Variants in OSTN observed in about 807,000 individuals in gnomAD.
OSTN encodes osteocrin.
Under a neutral mutation model 12.0 loss-of-function variants are expected in OSTN, and 9 were observed. The ratio of observed to expected loss-of-function variants is 0.75; its 90% CI spans 0.45 to 1.30. OSTN has a LOEUF of 1.30. Among genes scored for constraint, OSTN ranks in the 50% most tolerant of loss-of-function variants. OSTN has a pLI of 0.00. For missense variants in OSTN, 148 were observed against 152.3 expected (o/e 0.97, Z 0.15); for synonymous variants, 59 against 56.9 (o/e 1.04, Z -0.16).
intron 1 of OSTN, among the ~76,000 whole-genome samples, chr3:191,203,528 TA>T (rs1406686696): frequency 1.3e-5 from 2 of 152,152 alleles, no homozygotes; most frequent in Non-Finnish European, 2.9e-5. Context: ...GCAAAGTATC[TA>T]AAAAAGAGTG....
At chr3:191,247,403 G>A (rs2108550570) in intron 3 of OSTN, among the ~76,000 whole-genome samples, 1 of 152,264 alleles carries the variant, frequency 6.6e-6, no homozygotes, top group African/African-American at 2.4e-5. Flanking sequence ...GAAGAAGGGA[G>A]GCAAGGGTGT....
intron 3 of OSTN, among the ~76,000 whole-genome samples, chr3:191,239,753 T>G (rs1715278911): frequency 6.6e-6 from 1 of 152,232 alleles, no homozygotes; most frequent in Non-Finnish European, 1.5e-5. Flanking sequence ...TTCTGTCCTC[T>G]ATGTGAAGGA....
chr3:191,236,170 G>A (rs1715182751), intron 3 of OSTN, among the ~76,000 whole-genome samples: 1 of 152,148 alleles, frequency 6.6e-6, no homozygotes. Flanking sequence ...ACTTTGGAAT[G>A]CAAAACGAAA....
chr3:191,214,326 T>C (rs572460989), intron 2 of OSTN, among the ~76,000 whole-genome samples: 142 of 150,746 alleles, frequency 9.4e-4, no homozygotes, highest in African/African-American at 3.3e-3. Context: ...TGGGCGCCTG[T>C]AGTCCCTGCT....
At chr3:191,213,949 A>T (rs184847215) in intron 2 of OSTN, among the ~76,000 whole-genome samples, 1 of 152,206 alleles carries the variant, frequency 6.6e-6, no homozygotes, top group African/African-American at 2.4e-5. Context: ...TCCAGTTTCT[A>T]TGTTATCAGG....
At chr3:191,248,348 C>T (rs2108551162) in intron 3 of OSTN, among the ~76,000 whole-genome samples, 1 of 152,224 alleles carries the variant, frequency 6.6e-6, no homozygotes, top group East Asian at 1.9e-4. Flanking sequence ...AACCTTTCTA[C>T]ATATCAGGTA....
At chr3:191,261,907 A>G (rs1264122203) in intron 4 of OSTN, among the ~76,000 whole-genome samples, 2 of 152,198 alleles carry the variant, frequency 1.3e-5, no homozygotes. Context: ...CAGAATGTCA[A>G]CCTGATAAAA....
intron 3 of OSTN, among the ~76,000 whole-genome samples, chr3:191,237,603 A>G (rs1177265463): frequency 6.6e-6 from 1 of 152,196 alleles, no homozygotes; most frequent in Non-Finnish European, 1.5e-5. Flanking sequence ...CTTTCAGTGG[A>G]ATGCCCCTAG....
At chr3:191,215,963 G>A (rs766799934) in intron 2 of OSTN, among the ~76,000 whole-genome samples, 25 of 152,132 alleles carry the variant, frequency 1.6e-4, no homozygotes, top group Admixed American at 1.2e-3. Flanking sequence ...TCAGGGCTCC[G>A]ACCCCACATT....
At chr3:191,257,760 T>A (rs1715704109) in intron 4 of OSTN, among the ~76,000 whole-genome samples, 1 of 151,812 alleles carries the variant, frequency 6.6e-6, no homozygotes, top group Non-Finnish European at 1.5e-5. Context: ...CCAATAATTT[T>A]AAAACTATCT....
At chr3:191,202,038 C>T (rs1714162693) in intron 1 of OSTN, among the ~76,000 whole-genome samples, 1 of 152,126 alleles carries the variant, frequency 6.6e-6, no homozygotes, top group Non-Finnish European at 1.5e-5. Flanking sequence ...AGATCCAGGT[C>T]TATGTAACTT....
chr3:191,254,482 A>G (rs1048496146), intron 4 of OSTN, among the ~76,000 whole-genome samples: 2 of 152,250 alleles, frequency 1.3e-5, no homozygotes, highest in African/African-American at 4.8e-5. Flanking sequence ...ATTTCTAGAG[A>G]TTTCAGGTTA....
rs934674965 is a variant in OSTN, at chr3:191,262,807, T to G, written c.*13-59T>G. ...CTCTTCTCAAGTGAAGTTGATGGAC[T>G]TCCACCTGATCTACAGAGTTCTCAT... On this transcript the variant is annotated intron_variant, in intron 4 of 4. Coordinates refer to ENST00000682035, the MANE Select transcript of OSTN (RefSeq NM_198184.2). 1.1e-5 allele frequency: 8 copies of G among 697,034 alleles called. 1 individual carries two copies. The African/African-American group carries it at 1.2e-4, about 11-fold the overall frequency. The allele number at this position is 697,034 out of a possible 1,614,324, so 43.2% of individuals were successfully genotyped here. A position where few individuals can be genotyped will look rare whatever the true frequency, so the allele number is the denominator to read the frequency against.
chr3:191,217,464 G>A (rs949475368), intron 2 of OSTN, among the ~76,000 whole-genome samples: 1 of 152,218 alleles, frequency 6.6e-6, no homozygotes, highest in Non-Finnish European at 1.5e-5. Flanking sequence ...AAAGTGGGAA[G>A]GGAAGAGATT....
rs936124003 is a variant in OSTN at position 191,199,950 on chromosome 3, T to C, written c.-1+643T>C. Among the ~76,000 whole-genome samples the C allele has an allele frequency of 2.0e-5, 3 of 152,094 alleles. No individual in the cohort carries two copies. The South Asian group carries it at 6.2e-4, about 32-fold the overall frequency. ...CATTTGAGCTCTGTTGGAGAAGAAA[T>C]TTAAAATTTTATTTCAGGTTTAGTG... On this transcript the variant is annotated intron_variant, in intron 1 of 4. Coordinates refer to ENST00000682035, the MANE Select transcript of OSTN (RefSeq NM_198184.2).
chr3:191,265,057 CTTCA>C lies in OSTN; in HGVS notation c.*2209_*2212del, dbSNP rs1431619740. On this transcript the variant is annotated 3_prime_UTR_variant, in exon 5 of 5. Coordinates refer to ENST00000682035, the MANE Select transcript of OSTN (RefSeq NM_198184.2). ...TTTCATATTTTAATTTTTACCACTA[CTTCA>C]TTCAGAGTAGAAAATAAGTCAGCAA... 6 of 152,150 alleles carry C rather than the reference CTTCA, an allele frequency of 3.9e-5. No homozygotes were observed. The highest frequency in any genetic ancestry group is 1.4e-4 in the African/African-American group (6 of 41,454). 9.4% of individuals were successfully genotyped at this position (152,150 alleles called of 1,614,324 possible). A position where few individuals can be genotyped will look rare whatever the true frequency, so the allele number is the denominator to read the frequency against.
intron 3 of OSTN, among the ~76,000 whole-genome samples, chr3:191,229,467 G>A (rs1208788335): frequency 6.6e-6 from 1 of 152,118 alleles, no homozygotes; most frequent in Admixed American, 6.5e-5. Context: ...GGAGTGGAAC[G>A]GATGAAGTAA....
rs76955500 is a variant in OSTN at position 191,205,499 on chromosome 3, G to C, written c.-1+6192G>C. ...CACTAATATCACACACATTTGTGAT[G>C]CTGGTGGAGGTTGTAGAGATCTGAA... is the stretch of plus-strand genomic sequence containing the variant. On this transcript the variant is annotated intron_variant, in intron 1 of 4. Coordinates refer to ENST00000682035, the MANE Select transcript of OSTN (RefSeq NM_198184.2). Among the ~76,000 whole-genome samples the C allele has an allele frequency of 0.02, 2,971 of 151,154 alleles. 168 individuals carry two copies. The East Asian group carries it at 0.2, about 10-fold the overall frequency.
At chr3:191,247,367 T>G (rs189270734) in intron 3 of OSTN, among the ~76,000 whole-genome samples, 2 of 152,284 alleles carry the variant, frequency 1.3e-5, no homozygotes, top group East Asian at 3.9e-4. Flanking sequence ...GAACACCACT[T>G]AAGAGGATAT....
Sources: gnomAD v4.1 joint callset for allele counts (sites outside exome capture counted in the v4.1 genomes callset) on GRCh38, gnomAD v4.1.1 for gene constraint, MANE v1.5 for transcripts, NCBI Gene and HGNC (gene_info 2026-07-23, HGNC 2026-07-21) for gene names.